The following SYT1 variants were observed in gnomAD, a reference collection of about 807,000 sequenced individuals.
The protein encoded by SYT1 is synaptotagmin 1, also known as synaptotagmin-1.
Under a neutral mutation model 44.8 loss-of-function variants are expected in SYT1, and 8 were observed. That is an observed-to-expected ratio of 0.18 (90% CI 0.10 to 0.32). The LOEUF (loss-of-function observed/expected upper bound fraction) is 0.32. Among genes scored for constraint, SYT1 ranks in the 10% least tolerant of loss-of-function variants. The pLI, the probability that SYT1 is intolerant of heterozygous loss-of-function variation, is 1.00. For missense variants in SYT1, 286 were observed against 509.3 expected, an observed-to-expected ratio of 0.56 and a Z score of 4.22; for synonymous variants, 154 against 188.8, an observed-to-expected ratio of 0.82 and a Z score of 1.51.
chr12:79,152,758 A>G (rs1870351195), intron 3 of SYT1, among the ~76,000 whole-genome samples: 2 of 151,880 alleles, frequency 1.3e-5, no homozygotes. Context: ...GGGAAGCTTG[A>G]CTAGGGACAG....
chr12:79,309,398 T>A (rs973714084), intron 8 of SYT1, among the ~76,000 whole-genome samples: 3 of 152,306 alleles, frequency 2.0e-5, no homozygotes, highest in African/African-American at 7.2e-5. Context: ...TTTTTTTTTT[T>A]TTATCTGATG....
chr12:78,922,837 ACC>A (rs35034601), intron 1 of SYT1, among the ~76,000 whole-genome samples: 1 of 151,910 alleles, frequency 6.6e-6, no homozygotes, highest in Non-Finnish European at 1.5e-5. Context: ...TTCTCACACA[ACC>A]CCATGAAGTA....
intron 3 of SYT1, among the ~76,000 whole-genome samples, chr12:79,134,276 CA>C (rs1869040732): frequency 6.6e-6 from 1 of 152,148 alleles, no homozygotes; most frequent in Non-Finnish European, 1.5e-5. Flanking sequence ...TCTAGGTTTA[CA>C]AAGGCATATT....
chr12:78,918,027 G>T (rs544222179), intron 1 of SYT1, among the ~76,000 whole-genome samples: 2 of 152,126 alleles, frequency 1.3e-5, no homozygotes, highest in South Asian at 4.1e-4. Flanking sequence ...TGCTTAAATA[G>T]TTCATTAGCC....
intron 1 of SYT1, among the ~76,000 whole-genome samples, chr12:78,885,426 T>C (rs1472533142): frequency 6.6e-6 from 1 of 151,810 alleles, no homozygotes; most frequent in Non-Finnish European, 1.5e-5. Context: ...GTGCTATTAA[T>C]AAGCTTTATT....
At chr12:79,277,275 T>A (rs1445142329) in intron 4 of SYT1, among the ~76,000 whole-genome samples, 1 of 151,902 alleles carries the variant, frequency 6.6e-6, no homozygotes, top group Non-Finnish European at 1.5e-5. Flanking sequence ...ATAAAGGAAA[T>A]CAAATAACTT....
At chr12:79,349,045 G>GAGAAAGAA (rs1442879571) in intron 8 of SYT1, among the ~76,000 whole-genome samples, 54 of 115,852 alleles carry the variant, frequency 4.7e-4, no homozygotes, top group African/African-American at 1.6e-3. Context: ...AAGAAAGAAA[G>GAGAAAGAA]AAAGAAAGAA....
chr12:79,175,746 T>C (rs1871817625), intron 3 of SYT1, among the ~76,000 whole-genome samples: 2 of 152,062 alleles, frequency 1.3e-5, no homozygotes, highest in Admixed American at 1.3e-4. Flanking sequence ...CTAAAGAGTT[T>C]ACCCATGTGG....
intron 1 of SYT1, among the ~76,000 whole-genome samples, chr12:78,940,586 G>A (rs1878297051): frequency 1.3e-5 from 2 of 151,534 alleles, no homozygotes; most frequent in Non-Finnish European, 2.9e-5. Flanking sequence ...TAGAGATGGG[G>A]CTATGTTGCT....
At chr12:79,272,333 A>G (rs1878472705) in intron 4 of SYT1, among the ~76,000 whole-genome samples, 1 of 152,238 alleles carries the variant, frequency 6.6e-6, no homozygotes, top group South Asian at 2.1e-4. Context: ...TTATCTGATT[A>G]CAATGAACGG....
chr12:79,382,623 C>T (rs959791549), intron 9 of SYT1, among the ~76,000 whole-genome samples: 8 of 152,144 alleles, frequency 5.3e-5, no homozygotes, highest in Non-Finnish European at 1.0e-4. Flanking sequence ...TACAAAAATG[C>T]GATAGTGTAC....
intron 1 of SYT1, among the ~76,000 whole-genome samples, chr12:78,925,070 C>A (rs1012652201): frequency 6.6e-6 from 1 of 151,786 alleles, no homozygotes; most frequent in African/African-American, 2.4e-5. Context: ...GTATATGTGT[C>A]ACTACATATC....
At chr12:79,307,671 C>A (rs1184562211) in intron 8 of SYT1, among the ~76,000 whole-genome samples, 1 of 152,108 alleles carries the variant, frequency 6.6e-6, no homozygotes, top group Non-Finnish European at 1.5e-5. Flanking sequence ...CGAACGAAGC[C>A]TTTGCGATTA....
At chr12:78,942,632 C>T (rs909633961) in intron 1 of SYT1, among the ~76,000 whole-genome samples, 1 of 152,174 alleles carries the variant, frequency 6.6e-6, no homozygotes, top group Admixed American at 6.5e-5. Flanking sequence ...ATCTAAGTCT[C>T]CTTAACTACT....
At position 79,132,496 on chromosome 12, in the gene SYT1, C is replaced by T. The variant is rs149278694; in HGVS notation, c.-17-85007C>T. On this transcript the variant is annotated intron_variant, in intron 3 of 10. Coordinates refer to ENST00000261205, the MANE Select transcript of SYT1 (RefSeq NM_005639.3). ...GCCAAGTATATGAAAAAATGCTAAC[C>T]GTCACTAATCATCAGACAAATGCAA... 1.2e-3 allele frequency among the ~76,000 whole-genome samples: 174 copies of T among 150,696 alleles called. 2 individuals carry two copies. Among genetic ancestry groups the T allele is most frequent in the African/African-American group, 3.7e-3 (152 of 41,038 alleles).
At chr12:79,313,788 T>C (rs1364030985) in intron 8 of SYT1, among the ~76,000 whole-genome samples, 3 of 152,122 alleles carry the variant, frequency 2.0e-5, no homozygotes, top group Admixed American at 1.3e-4. Flanking sequence ...TAGTATTTAC[T>C]CACCTCCATG....
intron 6 of SYT1, among the ~76,000 whole-genome samples, chr12:79,294,849 C>T (rs1005435281): frequency 6.6e-6 from 1 of 150,724 alleles, no homozygotes; most frequent in Non-Finnish European, 1.5e-5. Flanking sequence ...TGTTTACCTA[C>T]AATCTAGCAC....
chr12:79,338,791 G>A (rs923036778), intron 8 of SYT1, among the ~76,000 whole-genome samples: 4 of 151,532 alleles, frequency 2.6e-5, no homozygotes, highest in Non-Finnish European at 5.9e-5. Context: ...ATTTACATTA[G>A]GTATTTCTCC....
intron 1 of SYT1, among the ~76,000 whole-genome samples, chr12:78,928,711 C>T (rs1274912436): frequency 6.6e-6 from 1 of 152,034 alleles, no homozygotes. Context: ...ATACACTGGA[C>T]AAAGAAATAA....
Sources: gnomAD v4.1 joint callset for allele counts (sites outside exome capture counted in the v4.1 genomes callset) on GRCh38, gnomAD v4.1.1 for gene constraint, MANE v1.5 for transcripts, NCBI Gene and HGNC (gene_info 2026-07-23, HGNC 2026-07-21) for gene names.